The following TANC2 variants were observed in gnomAD, a reference collection of about 807,000 sequenced individuals.
TANC2 encodes the protein protein TANC2.
TANC2 carries 26 observed loss-of-function variants against 210.5 expected under a neutral mutation model. The observed-to-expected ratio is 0.12, with a 90% CI of 0.09 to 0.17. The LOEUF is 0.17. Ranked by LOEUF, TANC2 falls within the 10% of genes least tolerant of loss-of-function variation. TANC2 has a pLI of 1.00. For missense variants in TANC2, 2,129 were observed against 2,608.9 expected, an observed-to-expected ratio of 0.82 and a Z score of 4.01; for synonymous variants, 931 against 967.1, an observed-to-expected ratio of 0.96 and a Z score of 0.69.
chr17:63,288,738 A>G (rs1022305801), intron 9 of TANC2, among the ~76,000 whole-genome samples: 1 of 149,768 alleles, frequency 6.7e-6, no homozygotes, highest in Non-Finnish European at 1.5e-5. Context: ...AATTCAGAAT[A>G]AAAAAAAAAT....
chr17:63,063,244 T>C (rs1235731800), intron 2 of TANC2, among the ~76,000 whole-genome samples: 1 of 152,184 alleles, frequency 6.6e-6, no homozygotes, highest in Non-Finnish European at 1.5e-5. Flanking sequence ...TGTGCACATA[T>C]TCAGCAACCC....
At chr17:63,138,277 A>G (rs1010114579) in intron 4 of TANC2, among the ~76,000 whole-genome samples, 11 of 152,302 alleles carry the variant, frequency 7.2e-5, no homozygotes, top group Middle Eastern at 3.4e-3. Flanking sequence ...TGAGAAATCT[A>G]TTGTATTGGG....
chr17:63,119,926 A>G (rs1227419913), intron 4 of TANC2, among the ~76,000 whole-genome samples: 1 of 152,080 alleles, frequency 6.6e-6, no homozygotes, highest in Non-Finnish European at 1.5e-5. Flanking sequence ...AGGCTGAGGC[A>G]GGAGAATCAC....
At chr17:63,194,220 CT>C (rs2041272287) in intron 6 of TANC2, 81 bp downstream of exon 6, 3 of 1,365,390 alleles carry the variant, frequency 2.2e-6, no homozygotes, top group Non-Finnish European at 3.0e-6. Context: ...TGTTGAATGC[CT>C]TTTGAGGCCT....
At chr17:63,202,298 T>G (rs1490868686) in intron 7 of TANC2, among the ~76,000 whole-genome samples, 3 of 152,096 alleles carry the variant, frequency 2.0e-5, no homozygotes, top group Non-Finnish European at 4.4e-5. Context: ...AGTATAAAAC[T>G]ATATATTTAT....
intron 2 of TANC2, among the ~76,000 whole-genome samples, chr17:63,011,840 T>C (rs1446818680): frequency 6.6e-6 from 1 of 151,938 alleles, no homozygotes; most frequent in African/African-American, 2.4e-5. Context: ...TATAGTTGAG[T>C]TTTCTTTTCT....
intron 2 of TANC2, among the ~76,000 whole-genome samples, chr17:63,040,567 G>A (rs1390877493): frequency 6.6e-6 from 1 of 152,072 alleles, no homozygotes; most frequent in Non-Finnish European, 1.5e-5. Context: ...TTAATCCTGT[G>A]CTGATTTGTA....
chr17:63,060,316 C>G (rs1399694947), intron 2 of TANC2, among the ~76,000 whole-genome samples: 1 of 152,238 alleles, frequency 6.6e-6, no homozygotes, highest in Admixed American at 6.5e-5. Flanking sequence ...ACTACAATCT[C>G]TCTCTTTAAA....
chr17:63,275,838 T>A (rs1288215761), intron 9 of TANC2, among the ~76,000 whole-genome samples: 1 of 152,122 alleles, frequency 6.6e-6, no homozygotes, highest in Non-Finnish European at 1.5e-5. Flanking sequence ...TGAAGTAACA[T>A]GAACAAAACT....
intron 1 of TANC2, among the ~76,000 whole-genome samples, chr17:62,991,608 C>G (rs931065935): frequency 6.6e-6 from 1 of 150,540 alleles, no homozygotes; most frequent in African/African-American, 2.5e-5. Flanking sequence ...CCACTGCACT[C>G]CAGCCTGGGT....
At chr17:63,032,451 G>A (rs146549012) in intron 2 of TANC2, among the ~76,000 whole-genome samples, 179 of 152,176 alleles carry the variant, frequency 1.2e-3, no homozygotes, top group African/African-American at 4.2e-3. Flanking sequence ...AGAAAGGGGC[G>A]TATGTGACTC....
intron 9 of TANC2, among the ~76,000 whole-genome samples, chr17:63,309,091 T>TCGC (rs955534439): frequency 6.6e-6 from 1 of 152,196 alleles, no homozygotes; most frequent in Non-Finnish European, 1.5e-5. Context: ...TATTTTAATG[T>TCGC]CTGTGTAATT....
At chr17:63,102,402 T>G (rs1033742764) in intron 4 of TANC2, among the ~76,000 whole-genome samples, 4 of 149,084 alleles carry the variant, frequency 2.7e-5, no homozygotes, top group Non-Finnish European at 6.0e-5. Flanking sequence ...AGGAGCCTAC[T>G]CTGATTGCAG....
intron 11 of TANC2, chr17:63,332,284 T>C (rs771295703): frequency 5.4e-5 from 18 of 334,144 alleles, no homozygotes; most frequent in Non-Finnish European, 9.4e-5. Flanking sequence ...ACCTCTCTTC[T>C]GTTTTTTCTT....
At chr17:63,393,431 A>G (rs2048043409) in intron 17 of TANC2, 1 of 152,196 alleles carries the variant, frequency 6.6e-6, no homozygotes, top group Non-Finnish European at 1.5e-5. Flanking sequence ...TACCAAGGCC[A>G]CCGCACAATA....
chr17:63,342,997 GAAA>G (rs1479870199), intron 12 of TANC2, among the ~76,000 whole-genome samples: 2 of 152,070 alleles, frequency 1.3e-5, no homozygotes, highest in Non-Finnish European at 2.9e-5. Flanking sequence ...GCAATAGCTG[GAAA>G]CACAATTTTC....
chr17:62,991,061 C>T (rs775808805), intron 1 of TANC2, among the ~76,000 whole-genome samples: 13 of 151,976 alleles, frequency 8.6e-5, no homozygotes, highest in Non-Finnish European at 1.8e-4. Flanking sequence ...AGTGTTCAGC[C>T]GCCTTGGTAT....
At chr17:63,411,856 A>G in intron 22 of TANC2, 142 bp from the exon 23 acceptor site, 1 of 1,416,936 alleles carries the variant, frequency 7.1e-7, no homozygotes. Flanking sequence ...GATCAAGGAT[A>G]TAGCTAAGGC....
At chr17:62,967,272 T>C (rs1208492809) in intron 1 of TANC2, 1 of 152,076 alleles carries the variant, frequency 6.6e-6, no homozygotes, top group East Asian at 1.9e-4. Context: ...CCATAGGAAA[T>C]CGGGAGGAGC....
Sources: gnomAD v4.1 joint callset for allele counts (sites outside exome capture counted in the v4.1 genomes callset) on GRCh38, gnomAD v4.1.1 for gene constraint, MANE v1.5 for transcripts, NCBI Gene and HGNC (gene_info 2026-07-23, HGNC 2026-07-21) for gene names.